Variants in DTNA observed in about 807,000 individuals in gnomAD.
DTNA encodes dystrophin-related protein 3.
A neutral mutation model predicts 100.7 loss-of-function variants in DTNA; 43 were observed. The ratio of observed to expected loss-of-function variants is 0.43; its 90% confidence interval spans 0.33 to 0.55. The LOEUF (loss-of-function observed/expected upper bound fraction) is 0.55, where lower values mean the gene tolerates loss of function less well. Ranked by LOEUF, DTNA falls within the 20% of genes least tolerant of loss-of-function variation. The pLI is 0.04. For missense variants in DTNA, 798 were observed against 953.9 expected (o/e 0.84, Z 2.15); for synonymous variants, 349 against 347.9 (o/e 1.00, Z -0.04).
intron 1 of DTNA, chr18:34,683,559 A>G (rs539708376): frequency 2.6e-5 from 4 of 152,252 alleles, no homozygotes; most frequent in East Asian, 1.9e-4. Flanking sequence ...CCTTCTACCA[A>G]CAATTTTCAT....
intron 1 of DTNA, among the ~76,000 whole-genome samples, chr18:34,705,056 C>T (rs572396063): frequency 6.6e-6 from 1 of 152,142 alleles, no homozygotes; most frequent in East Asian, 1.9e-4. Flanking sequence ...TCTTCTACCC[C>T]AACGTACTAA....
Position 34,851,932 on chromosome 18 carries a change from A to G in DTNA, c.1532+4A>G. ...CTGAGCTAGAAAACAAGAACAGGTGAGACTTTGTAGACGTGCTGGCTTGTT... is the reference window on the plus strand; with the variant it reads ...CTGAGCTAGAAAACAAGAACAGGTGGGACTTTGTAGACGTGCTGGCTTGTT... On this transcript the variant is annotated splice_donor_region_variant and intron_variant, in intron 15 of 22. Transcript: ENST00000444659. The G allele has an allele frequency of 6.2e-7, 1 of 1,613,566 alleles. No individual in the cohort carries two copies. The highest frequency in any genetic ancestry group is 8.5e-7 in the Non-Finnish European group (1 of 1,179,574).
rs114810567 is a variant in DTNA at position 34,644,676 on chromosome 18, T to G, written c.-1-111300T>G. On this transcript the variant is annotated intron_variant, in intron 1 of 19. Transcript: ENST00000283365. ...AGAACAGCACTGAGGCTTAAAAAAT[T>G]TTTTGAGCAAAAGAAGAACATATTT... Among the ~76,000 whole-genome samples, 951 of 152,216 alleles carry G rather than the reference T, an allele frequency of 6.2e-3. 7 individuals are homozygous for G. The highest frequency in any genetic ancestry group is 0.022 in the African/African-American group (915 of 41,578).
intron 1 of DTNA, among the ~76,000 whole-genome samples, chr18:34,691,018 G>C (rs2079670769): frequency 6.6e-6 from 1 of 152,182 alleles, no homozygotes; most frequent in African/African-American, 2.4e-5. Flanking sequence ...TTCAAGTCCA[G>C]ATAGTCTGGC....
intron 1 of DTNA, among the ~76,000 whole-genome samples, chr18:34,543,906 A>G (rs185543969): frequency 9.8e-4 from 149 of 152,238 alleles, no homozygotes; most frequent in African/African-American, 3.5e-3. Context: ...AGCTACAGCA[A>G]TCAGGATAGA....
chr18:34,581,032 T>A (rs1278791106), intron 1 of DTNA, among the ~76,000 whole-genome samples: 2 of 151,806 alleles, frequency 1.3e-5, no homozygotes, highest in Non-Finnish European at 2.9e-5. Context: ...GATCACGAGG[T>A]CAGGAAATTG....
chr18:34,856,936 A>C (rs978415656), intron 15 of DTNA, among the ~76,000 whole-genome samples: 12 of 152,190 alleles, frequency 7.9e-5, no homozygotes, highest in African/African-American at 2.9e-4. Context: ...ATAGAATATC[A>C]GGGTGTTAGC....
intron 1 of DTNA, among the ~76,000 whole-genome samples, chr18:34,663,989 T>A (rs1263623179): frequency 6.6e-6 from 1 of 152,196 alleles, no homozygotes; most frequent in African/African-American, 2.4e-5. Flanking sequence ...TTTACTGTAA[T>A]AGATTATATG....
intron 17 of DTNA, chr18:34,866,461 C>T: frequency 2.4e-6 from 3 of 1,239,190 alleles, no homozygotes; most frequent in East Asian, 4.5e-5. Context: ...TGATCAGACC[C>T]TTCTCTTAAC....
intron 1 of DTNA, among the ~76,000 whole-genome samples, chr18:34,573,065 C>G (rs2047746507): frequency 6.6e-6 from 1 of 152,194 alleles, no homozygotes; most frequent in Non-Finnish European, 1.5e-5. Flanking sequence ...CCTTTGCACA[C>G]AGTAGGTGCT....
intron 1 of DTNA, among the ~76,000 whole-genome samples, chr18:34,551,445 C>T (rs1007574646): frequency 5.3e-5 from 8 of 152,188 alleles, no homozygotes; most frequent in African/African-American, 1.9e-4. Flanking sequence ...CTCCATTCAG[C>T]AGCCAGAAAG....
At chr18:34,642,562 T>C (rs76259164) in intron 1 of DTNA, among the ~76,000 whole-genome samples, 28 of 151,476 alleles carry the variant, frequency 1.8e-4, no homozygotes, top group Non-Finnish European at 4.1e-4. Context: ...TCTTTCTTTC[T>C]TTTCTTTCTT....
chr18:34,677,812 G>A (rs2077576146), intron 1 of DTNA, among the ~76,000 whole-genome samples: 1 of 152,178 alleles, frequency 6.6e-6, no homozygotes, highest in Admixed American at 6.5e-5. Context: ...CACAGGGAAA[G>A]ACTGTTGGGT....
At chr18:34,599,617 T>A (rs1012795353) in intron 1 of DTNA, among the ~76,000 whole-genome samples, 7 of 152,196 alleles carry the variant, frequency 4.6e-5, no homozygotes, top group Non-Finnish European at 1.0e-4. Context: ...CATTTTACTT[T>A]TTCTTATTAC....
intron 1 of DTNA, among the ~76,000 whole-genome samples, chr18:34,558,357 CTG>C (rs1490657557): frequency 1.3e-5 from 2 of 152,190 alleles, no homozygotes; most frequent in Non-Finnish European, 2.9e-5. Flanking sequence ...GAGCTGTAGA[CTG>C]GAGCTGTTCC....
At chr18:34,616,931 C>A (rs2055412516) in intron 1 of DTNA, among the ~76,000 whole-genome samples, 1 of 152,048 alleles carries the variant, frequency 6.6e-6, no homozygotes, top group Non-Finnish European at 1.5e-5. Flanking sequence ...AGCTTGAATG[C>A]TATTGGAATG....
At chr18:34,811,397 C>T (rs1944999) in intron 5 of DTNA, among the ~76,000 whole-genome samples, 25,433 of 152,132 alleles carry the variant, frequency 0.17, 2,827 homozygotes, top group African/African-American at 0.32. Context: ...AACTGTAATT[C>T]ATAGAAAGTT....
intron 1 of DTNA, among the ~76,000 whole-genome samples, chr18:34,745,437 C>T (rs1361972924): frequency 2.0e-5 from 3 of 152,120 alleles, no homozygotes; most frequent in Admixed American, 2.0e-4. Flanking sequence ...CTTTCTACTA[C>T]TCTTTCTAAT....
intron 6 of DTNA, 81 bp from the exon 7 acceptor site, chr18:34,815,828 T>C: frequency 1.6e-6 from 2 of 1,222,424 alleles, no homozygotes; most frequent in Non-Finnish European, 2.4e-6. Flanking sequence ...TTTGTTTCAG[T>C]CTCAAATGAT....
Sources: allele counts gnomAD v4.1 joint callset (sites outside exome capture counted in the v4.1 genomes callset), GRCh38; gene constraint gnomAD v4.1.1; transcripts MANE v1.5; gene names NCBI Gene and HGNC (gene_info 2026-07-23, HGNC 2026-07-21).